ST7L: variants seen among roughly 807,000 people sequenced by gnomAD.
ST7L encodes suppressor of tumorigenicity 7 protein-like.
Under a neutral mutation model 72.5 loss-of-function variants are expected in ST7L, and 57 were observed. The ratio of observed to expected loss-of-function variants is 0.79; its 90% CI spans 0.64 to 0.98. The LOEUF (loss-of-function observed/expected upper bound fraction) is 0.98, where lower values mean the gene tolerates loss of function less well. Ranked by LOEUF, ST7L falls within the 50% of genes least tolerant of loss-of-function variation. The probability of loss-of-function intolerance (pLI) is 0.00; values close to 1 mark genes in which losing one functional copy is unlikely to be tolerated. For synonymous variants in ST7L, 221 were observed against 240.9 expected, an observed-to-expected ratio of 0.92 and a Z score of 0.77; for missense variants, 576 against 672.2, an observed-to-expected ratio of 0.86 and a Z score of 1.58.
At chr1:112,619,342 C>G, upstream of ST7L, 1 of 600,960 alleles carries the variant, frequency 1.7e-6, no homozygotes, top group South Asian at 2.0e-5. Context: ...TCTGGAGGAA[C>G]TGGACTGAGA....
intron 11 of ST7L, among the ~76,000 whole-genome samples, chr1:112,557,340 T>C (rs1659368272): frequency 2.0e-5 from 3 of 152,202 alleles, no homozygotes; most frequent in African/African-American, 7.2e-5. Context: ...ACAAATGGAA[T>C]CATTTTGTGA....
At chr1:112,549,281 T>A (rs918811570) in intron 13 of ST7L, among the ~76,000 whole-genome samples, 6 of 152,042 alleles carry the variant, frequency 3.9e-5, no homozygotes, top group African/African-American at 1.5e-4. Context: ...TAATCTCAGC[T>A]ACTCAGGAGG....
intron 11 of ST7L, among the ~76,000 whole-genome samples, chr1:112,557,010 GAAA>G (rs1221043511): frequency 3.3e-5 from 3 of 90,138 alleles, no homozygotes; most frequent in African/African-American, 1.2e-4. Context: ...ACAAAGAAAA[GAAA>G]AAAAAAGGTG....
At chr1:112,601,894 C>T (rs2102049125) in intron 3 of ST7L, among the ~76,000 whole-genome samples, 1 of 152,036 alleles carries the variant, frequency 6.6e-6, no homozygotes, top group Admixed American at 6.6e-5. Context: ...GCCTAGCCAA[C>T]ATAATAAAAC....
chr1:112,571,755 T>C lies in ST7L; in HGVS notation c.1245+5231A>G, dbSNP rs184663069. Among the ~76,000 whole-genome samples the C allele has an allele frequency of 9.8e-5, 15 of 152,318 alleles. No homozygotes were observed. The East Asian group carries it at 2.9e-3, about 29-fold the overall frequency. ...TAGTTTTAATGAAGCATACTTTATA[T>C]ATCCCAAAATTCATGTTTGTAACTA... is the stretch of plus-strand genomic sequence containing the variant. On this transcript the variant is annotated intron_variant, in intron 11 of 14. Coordinates refer to ENST00000358039, the MANE Select transcript of ST7L (RefSeq NM_017744.5).
intron 2 of ST7L, among the ~76,000 whole-genome samples, chr1:112,615,828 C>T (rs1412944293): frequency 6.6e-6 from 1 of 152,156 alleles, no homozygotes. Flanking sequence ...TAACCTCCAC[C>T]TCCCAAGTTC....
At chr1:112,602,669 A>G (rs568787466) in intron 3 of ST7L, among the ~76,000 whole-genome samples, 5 of 152,000 alleles carry the variant, frequency 3.3e-5, no homozygotes, top group Admixed American at 2.6e-4. Flanking sequence ...GCCACACACA[A>G]ATTTAACGGT....
chr1:112,526,166 G>C lies in ST7L; in HGVS notation c.1630-55C>G, dbSNP rs145638984. ...CAAGCCCTGTAGGAGTCCCAGGACA[G>C]CCAAGAGAGTATATCTGAGCACAGT... On this transcript the variant is annotated intron_variant, in intron 14 of 14. Transcript: ENST00000358039. 3,172 of 1,610,312 alleles carry C rather than the reference G, an allele frequency of 2.0e-3. 13 individuals are homozygous for C. The highest frequency in any genetic ancestry group is 0.016 in the East Asian group (736 of 44,862).
chr1:112,618,870 T>C (rs1670380075), intron 1 of ST7L, 39 bp downstream of exon 1: 5 of 1,546,160 alleles, frequency 3.2e-6, no homozygotes, highest in Middle Eastern at 1.7e-4. Flanking sequence ...ACATCTCTCC[T>C]GGCCCCCCGC....
chr1:112,546,432 T>A (rs1397615239), intron 13 of ST7L, among the ~76,000 whole-genome samples: 2 of 152,066 alleles, frequency 1.3e-5, no homozygotes, highest in African/African-American at 4.8e-5. Context: ...GGCCTCAAGT[T>A]TGGCCACATG....
At chr1:112,566,996 C>T (rs768544140) in intron 11 of ST7L, among the ~76,000 whole-genome samples, 6 of 152,162 alleles carry the variant, frequency 3.9e-5, no homozygotes, top group Non-Finnish European at 7.3e-5. Context: ...TGCTGGATCA[C>T]AGGTTGAAGG....
chr1:112,619,534 G>T, upstream of ST7L: 1 of 526,024 alleles, frequency 1.9e-6, no homozygotes, highest in Non-Finnish European at 3.4e-6. Flanking sequence ...ACAGCTATTT[G>T]GTCGGATGGA....
chr1:112,531,620 A>G (rs1418343140), intron 14 of ST7L, among the ~76,000 whole-genome samples: 1 of 152,124 alleles, frequency 6.6e-6, no homozygotes, highest in African/African-American at 2.4e-5. Flanking sequence ...TCAAGGATGA[A>G]CTCATCTATT....
At chr1:112,573,908 CTGTTT>C (rs1485448231) in intron 11 of ST7L, among the ~76,000 whole-genome samples, 2 of 135,400 alleles carry the variant, frequency 1.5e-5, no homozygotes, top group African/African-American at 2.9e-5. Context: ...TTTTCTTTTC[CTGTTT>C]TTTTTTTTTT....
At chr1:112,537,981 G>A (rs1655485949) in intron 14 of ST7L, among the ~76,000 whole-genome samples, 1 of 152,104 alleles carries the variant, frequency 6.6e-6, no homozygotes, top group African/African-American at 2.4e-5. Flanking sequence ...TCCAGTGCCT[G>A]GCCTCACCAT....
At chr1:112,602,082 C>T (rs1298503376) in intron 3 of ST7L, among the ~76,000 whole-genome samples, 3 of 89,012 alleles carry the variant, frequency 3.4e-5, no homozygotes, top group Non-Finnish European at 6.5e-5. Context: ...AAAACTCCAT[C>T]CAAAAAAAAA....
chr1:112,611,032 T>C, intron 2 of ST7L, 29 bp from the exon 3 acceptor site: 1 of 1,608,580 alleles, frequency 6.2e-7, no homozygotes, highest in Non-Finnish European at 8.5e-7. Context: ...ATCCTGCACT[T>C]AGAATCGATC....
At chr1:112,552,463 G>A (rs1658379017) in intron 12 of ST7L, among the ~76,000 whole-genome samples, 2 of 152,118 alleles carry the variant, frequency 1.3e-5, no homozygotes, top group Non-Finnish European at 1.5e-5. Context: ...GGAGTACAAT[G>A]GTGCGATCTC....
At chr1:112,595,683 T>C (rs1316013249) in intron 5 of ST7L, among the ~76,000 whole-genome samples, 1 of 152,152 alleles carries the variant, frequency 6.6e-6, no homozygotes, top group Non-Finnish European at 1.5e-5. Flanking sequence ...CCTCTCAAAG[T>C]GCTGGGATTA....
Sources: gnomAD v4.1 joint callset for allele counts (sites outside exome capture counted in the v4.1 genomes callset) on GRCh38, gnomAD v4.1.1 for gene constraint, MANE v1.5 for transcripts, NCBI Gene and HGNC (gene_info 2026-07-23, HGNC 2026-07-21) for gene names.